TPO: variants seen among roughly 807,000 people sequenced by gnomAD.
TPO encodes the protein thyroid peroxidase.
Under a neutral mutation model 96.9 loss-of-function variants are expected in TPO, and 78 were observed. The ratio of observed to expected loss-of-function variants is 0.81; its 90% confidence interval spans 0.67 to 0.97. The LOEUF (loss-of-function observed/expected upper bound fraction) is 0.97. Among genes scored for constraint, TPO ranks in the 50% least tolerant of loss-of-function variants. The pLI, the probability that TPO is intolerant of heterozygous loss-of-function variation, is 0.00. For synonymous variants in TPO, 547 were observed against 538.0 expected, an observed-to-expected ratio of 1.02 and a Z score of -0.23; for missense variants, 1,252 against 1,274.8, an observed-to-expected ratio of 0.98 and a Z score of 0.27.
intron 14 of TPO, among the ~76,000 whole-genome samples, chr2:1,513,143 G>A (rs917146194): frequency 1.3e-5 from 2 of 152,242 alleles, no homozygotes; most frequent in African/African-American, 4.8e-5. Flanking sequence ...TGTCACTGCT[G>A]GCTGGAACAC....
chr2:1,469,990 A>G (rs944022922), intron 7 of TPO, among the ~76,000 whole-genome samples: 4 of 152,220 alleles, frequency 2.6e-5, no homozygotes, highest in Admixed American at 2.0e-4. Context: ...CTTGTCCGCC[A>G]TGATCCGTCA....
At chr2:1,526,991 TGC>T (rs1676692364) in intron 15 of TPO, among the ~76,000 whole-genome samples, 1 of 137,416 alleles carries the variant, frequency 7.3e-6, no homozygotes, top group Admixed American at 7.2e-5. Flanking sequence ...CCACACTGTG[TGC>T]AACCTCCTCA....
At chr2:1,408,458 C>T (rs11682968) in intron 1 of TPO, among the ~76,000 whole-genome samples, 86,545 of 152,024 alleles carry the variant, frequency 0.57, 24,912 homozygotes, top group Admixed American at 0.65. Context: ...GCGTGGGCTG[C>T]TGATGAATCC....
intron 7 of TPO, among the ~76,000 whole-genome samples, chr2:1,468,367 GCT>G (rs2148643400): frequency 6.6e-6 from 1 of 152,204 alleles, no homozygotes; most frequent in Admixed American, 6.5e-5. Context: ...AAGATTTAGA[GCT>G]CCTTTTAGCA....
chr2:1,414,642 A>G, intron 2 of TPO, 140 bp downstream of exon 2: 4 of 723,962 alleles, frequency 5.5e-6, no homozygotes, highest in Non-Finnish European at 9.4e-6. Flanking sequence ...AGAAAAAAAA[A>G]TTGTAATTCT....
chr2:1,529,114 T>A (rs1255393050), intron 15 of TPO, among the ~76,000 whole-genome samples: 1 of 81,904 alleles, frequency 1.2e-5, no homozygotes, highest in Non-Finnish European at 2.2e-5. Context: ...ATCCCCCCAC[T>A]GTGTGCAACC....
At chr2:1,514,866 G>C (rs1482518196) in intron 14 of TPO, among the ~76,000 whole-genome samples, 1 of 152,206 alleles carries the variant, frequency 6.6e-6, no homozygotes, top group African/African-American at 2.4e-5. Context: ...GGTAAACATG[G>C]AGCTGCTTAC....
intron 14 of TPO, 53 bp downstream of exon 14, chr2:1,504,132 TGAA>T (rs1673169095): frequency 4.3e-6 from 7 of 1,609,998 alleles, no homozygotes; most frequent in Middle Eastern, 1.6e-4. Flanking sequence ...TTTTGTAAAA[TGAA>T]GAAAAGTGTG....
At chr2:1,422,244 C>T (rs1331991520) in intron 2 of TPO, among the ~76,000 whole-genome samples, 2 of 109,568 alleles carry the variant, frequency 1.8e-5, no homozygotes, top group Non-Finnish European at 3.7e-5. Context: ...TTGTGTGCTC[C>T]TTGGGTGGGG....
intron 7 of TPO, among the ~76,000 whole-genome samples, chr2:1,473,957 A>C (rs1028251028): frequency 1.3e-5 from 2 of 152,268 alleles, no homozygotes; most frequent in East Asian, 3.9e-4. Flanking sequence ...AAATAATTTT[A>C]TTATGTTTTA....
chr2:1,478,029 AC>A, intron 8 of TPO: 1 of 984,686 alleles, frequency 1.0e-6, no homozygotes, highest in Non-Finnish European at 1.2e-6. Flanking sequence ...TCCCAGAACA[AC>A]CCTTGGAGGT....
chr2:1,436,255 C>T lies in TPO; in HGVS notation c.353C>T (p.Ala118Val), dbSNP rs755626297. 2.5e-6 allele frequency: 4 copies of T among 1,614,178 alleles called. No individual in the cohort carries two copies. The highest frequency in any genetic ancestry group is 1.1e-5 in the South Asian group (1 of 91,080). ...CATGGTTTCCTATTTTTCACAGATG[C>T]TTTATCAGAAGATCTGCTGAGCATC... ...KTQQSQHPTD[A>V]LSEDLLSIIA... is the part of the protein sequence containing the mutation. The change falls in exon 5 of 17, where the codon GCT becomes GTT. Residue 118 changes from alanine to valine, a missense_variant. Ala to Val is a moderately conservative substitution (Grantham distance 64, BLOSUM62 0). Transcript: ENST00000329066.
chr2:1,404,529 C>T (rs1180022965), intron 1 of TPO, among the ~76,000 whole-genome samples: 1 of 152,170 alleles, frequency 6.6e-6, no homozygotes, highest in Non-Finnish European at 1.5e-5. Flanking sequence ...TAGTTACATA[C>T]AACTGGTGTC....
chr2:1,438,646 G>A (rs750064351), intron 5 of TPO, among the ~76,000 whole-genome samples: 1 of 141,676 alleles, frequency 7.1e-6, no homozygotes, highest in African/African-American at 2.6e-5. Flanking sequence ...GTGCAACATC[G>A]TGGGCATCCT....
At chr2:1,431,015 G>A (rs1404331575) in intron 3 of TPO, among the ~76,000 whole-genome samples, 1 of 152,196 alleles carries the variant, frequency 6.6e-6, no homozygotes, top group Non-Finnish European at 1.5e-5. Context: ...ATGCGCAATT[G>A]TATTTTGGAA....
rs147525819 is a variant in TPO at position 1,399,886 on chromosome 2, T to A, written n.180+25484T>A. 5.3e-5 allele frequency among the ~76,000 whole-genome samples: 8 copies of A among 152,328 alleles called. 1 individual carries two copies. In the East Asian group the frequency reaches 1.5e-3, roughly 29 times the overall value. ...CAGGAAAATCCTTACATGGAAATCT[T>A]ACTTGTTATTTGACATTCATGTTTA... On this transcript the variant is annotated intron_variant and non_coding_transcript_variant, in intron 1 of 5. Coordinates refer to the TPO transcript ENST00000497517.
chr2:1,493,209 T>TGGGGGGGGGGGGGGGG (rs3036079), intron 10 of TPO, among the ~76,000 whole-genome samples: 1 of 17,532 alleles, frequency 5.7e-5, no homozygotes. Flanking sequence ...TGTGAGTGGG[T>TGGGGGGGGGGGGGGGG]GGGGGGGGGG....
chr2:1,395,330 T>C (rs892394001), intron 1 of TPO, among the ~76,000 whole-genome samples: 2 of 152,130 alleles, frequency 1.3e-5, no homozygotes, highest in African/African-American at 4.8e-5. Context: ...CCATTCAAGA[T>C]TTTATACACA....
intron 7 of TPO, among the ~76,000 whole-genome samples, chr2:1,461,646 G>A (rs1399390): frequency 0.8 from 122,146 of 152,088 alleles, 49,851 homozygotes; most frequent in Non-Finnish European, 0.87. Context: ...GACCGTGACC[G>A]CCCGTACACC....
Sources: allele counts gnomAD v4.1 joint callset (sites outside exome capture counted in the v4.1 genomes callset), GRCh38; gene constraint gnomAD v4.1.1; transcripts MANE v1.5; gene names NCBI Gene and HGNC (gene_info 2026-07-23, HGNC 2026-07-21).